CNTN4: variants seen among roughly 807,000 people sequenced by gnomAD.
The protein encoded by CNTN4 is contactin 4.
CNTN4 carries 77 observed loss-of-function variants against 122.5 expected under a neutral mutation model. That is an observed-to-expected ratio of 0.63 (90% CI 0.52 to 0.76). The LOEUF (loss-of-function observed/expected upper bound fraction) is 0.76. CNTN4 is among the 30% of genes least tolerant of loss of function. CNTN4 has a pLI of 0.00. For missense variants in CNTN4, 1,256 were observed against 1,259.1 expected (o/e 1.00, Z 0.04); for synonymous variants, 512 against 447.0 (o/e 1.15, Z -1.83).
At chr3:2,156,091 C>T (rs28542587) in intron 2 of CNTN4, among the ~76,000 whole-genome samples, 1 of 152,148 alleles carries the variant, frequency 6.6e-6, no homozygotes, top group Non-Finnish European at 1.5e-5. Context: ...GGCCAGTGGC[C>T]TCACTGCTTC....
At chr3:3,000,291 G>T (rs574145589) in intron 14 of CNTN4, among the ~76,000 whole-genome samples, 2 of 150,902 alleles carry the variant, frequency 1.3e-5, no homozygotes, top group East Asian at 4.0e-4. Context: ...TTTTAAGATA[G>T]ACATTAAAAT....
At chr3:2,250,374 A>G (rs1389035400) in intron 2 of CNTN4, among the ~76,000 whole-genome samples, 1 of 151,942 alleles carries the variant, frequency 6.6e-6, no homozygotes, top group Non-Finnish European at 1.5e-5. Flanking sequence ...TTGTAGTTAA[A>G]CAAAATTAGA....
Position 2,131,727 on chromosome 3 carries a change from G to A in CNTN4, c.-145+31088G>A, listed in dbSNP as rs180857282. On this transcript the variant is annotated intron_variant, in intron 2 of 24. Coordinates refer to ENST00000418658, the MANE Select transcript of CNTN4 (RefSeq NM_175607.3). ...ATGAAAACCCCAGTTAGTTTTTTAA[G>A]TATAATCCATTTTAAGTTTACCACC... 2.5e-3 allele frequency among the ~76,000 whole-genome samples: 384 copies of A among 152,296 alleles called. 1 individual carries two copies. The highest frequency in any genetic ancestry group is 8.8e-3 in the African/African-American group (365 of 41,568).
chr3:2,611,677 G>A (rs1330472486), intron 4 of CNTN4, among the ~76,000 whole-genome samples: 1 of 152,138 alleles, frequency 6.6e-6, no homozygotes, highest in African/African-American at 2.4e-5. Flanking sequence ...ACAGTGAGAA[G>A]GAACCTGCAA....
At chr3:2,278,917 C>A (rs994101828) in intron 2 of CNTN4, among the ~76,000 whole-genome samples, 1 of 151,764 alleles carries the variant, frequency 6.6e-6, no homozygotes, top group African/African-American at 2.4e-5. Context: ...TATTATTATA[C>A]CACACTGTTA....
intron 2 of CNTN4, among the ~76,000 whole-genome samples, chr3:2,297,540 C>A (rs1210955550): frequency 1.3e-5 from 2 of 152,168 alleles, no homozygotes; most frequent in Non-Finnish European, 2.9e-5. Context: ...CATCGTCTGT[C>A]TGATTTCACC....
intron 23 of CNTN4, 129 bp downstream of exon 23, chr3:3,043,833 G>A: frequency 1.4e-6 from 1 of 717,628 alleles, no homozygotes; most frequent in Non-Finnish European, 2.5e-6. Context: ...AGGAATCGCT[G>A]CCTCCAACAC....
intron 2 of CNTN4, among the ~76,000 whole-genome samples, chr3:2,227,584 C>A (rs1559359912): frequency 6.6e-6 from 1 of 152,166 alleles, no homozygotes; most frequent in Non-Finnish European, 1.5e-5. Flanking sequence ...TGCACTTCCA[C>A]CCATTTTAAT....
At chr3:2,766,502 C>T (rs935910831) in intron 6 of CNTN4, among the ~76,000 whole-genome samples, 2 of 152,120 alleles carry the variant, frequency 1.3e-5, no homozygotes, top group African/African-American at 4.8e-5. Context: ...GAATGGAAAA[C>T]CAAACATCGT....
intron 3 of CNTN4, among the ~76,000 whole-genome samples, chr3:2,509,210 T>C (rs1392996438): frequency 2.6e-5 from 4 of 152,226 alleles, no homozygotes; most frequent in African/African-American, 9.6e-5. Context: ...AGGTGCACAA[T>C]TGCTATTTAA....
chr3:2,258,099 G>T (rs969968282), intron 2 of CNTN4, among the ~76,000 whole-genome samples: 4 of 152,144 alleles, frequency 2.6e-5, no homozygotes, highest in African/African-American at 4.8e-5. Flanking sequence ...AACAACAGAT[G>T]CTGGAGAGGA....
chr3:2,783,007 G>A (rs763237253), intron 6 of CNTN4, among the ~76,000 whole-genome samples: 33 of 152,194 alleles, frequency 2.2e-4, no homozygotes, highest in Admixed American at 2.0e-4. Context: ...GTGCCAGTGC[G>A]GTGGCTTACG....
At chr3:2,189,643 G>T (rs1307647687) in intron 2 of CNTN4, among the ~76,000 whole-genome samples, 1 of 152,184 alleles carries the variant, frequency 6.6e-6, no homozygotes, top group African/African-American at 2.4e-5. Context: ...TGAGGGGCTG[G>T]AGCCCCATTC....
intron 7 of CNTN4, among the ~76,000 whole-genome samples, chr3:2,839,194 A>G (rs1193729612): frequency 6.6e-6 from 1 of 152,208 alleles, no homozygotes; most frequent in Non-Finnish European, 1.5e-5. Flanking sequence ...TTCCAAATCT[A>G]CAAAGGAATT....
chr3:2,117,271 A>AT (rs1479445170), intron 2 of CNTN4, among the ~76,000 whole-genome samples: 1 of 152,210 alleles, frequency 6.6e-6, no homozygotes, highest in Non-Finnish European at 1.5e-5. Flanking sequence ...TTACTGGTTT[A>AT]TTATAAAGGA....
chr3:2,496,694 T>A (rs2076461564), intron 3 of CNTN4, among the ~76,000 whole-genome samples: 1 of 152,174 alleles, frequency 6.6e-6, no homozygotes, highest in South Asian at 2.1e-4. Context: ...AGTTCCCTTT[T>A]CCAAAGTCAC....
At chr3:2,697,494 G>A (rs2149236158) in intron 4 of CNTN4, among the ~76,000 whole-genome samples, 1 of 152,298 alleles carries the variant, frequency 6.6e-6, no homozygotes, top group African/African-American at 2.4e-5. Flanking sequence ...TCATTACCAT[G>A]TTTGTGGTGG....
rs1559415608 is a variant in CNTN4 at position 2,287,682 on chromosome 3, GAAGAA to G, written c.-144-51495_-144-51491del. Among the ~76,000 whole-genome samples, 186 of 93,118 alleles carry G rather than the reference GAAGAA, an allele frequency of 2.0e-3. 4 individuals are homozygous for G. Among genetic ancestry groups the G allele is most frequent in the Admixed American group, 4.8e-3 (39 of 8,190 alleles). The allele number at this position is 93,118 out of a possible 152,430, so 61.1% of individuals were successfully genotyped here. ...AGAAGAAGAAGAAGAAGAAGAAGAA[GAAGAA>G]GAAGAGGAAGAAGAAGAAGAAGAGG... On this transcript the variant is annotated intron_variant, in intron 2 of 24. Transcript: ENST00000418658.
intron 3 of CNTN4, among the ~76,000 whole-genome samples, chr3:2,395,764 A>G (rs905728170): frequency 2.6e-5 from 4 of 152,174 alleles, no homozygotes; most frequent in African/African-American, 9.7e-5. Flanking sequence ...TCCATGAATG[A>G]CATGATGTCA....
Sources: gnomAD v4.1 joint callset for allele counts (sites outside exome capture counted in the v4.1 genomes callset) on GRCh38, gnomAD v4.1.1 for gene constraint, MANE v1.5 for transcripts, NCBI Gene and HGNC (gene_info 2026-07-23, HGNC 2026-07-21) for gene names.